The following ANKFN1 variants were observed in gnomAD, a reference collection of about 807,000 sequenced individuals.
ANKFN1 encodes the protein ankyrin repeat and fibronectin type-III domain-containing protein 1.
ANKFN1 carries 74 observed loss-of-function variants against 108.7 expected under a neutral mutation model. That is an observed-to-expected ratio of 0.68 (90% CI 0.56 to 0.83). The LOEUF is 0.83. Among genes scored for constraint, ANKFN1 ranks in the 40% least tolerant of loss-of-function variants. ANKFN1 has a pLI of 0.00. For missense variants in ANKFN1, 1,505 were observed against 1,382.3 expected, an observed-to-expected ratio of 1.09 and a Z score of -1.41; for synonymous variants, 547 against 516.2, an observed-to-expected ratio of 1.06 and a Z score of -0.81.
At chr17:56,293,970 G>A (rs2044439049) in intron 3 of ANKFN1, among the ~76,000 whole-genome samples, 1 of 152,146 alleles carries the variant, frequency 6.6e-6, no homozygotes, top group Non-Finnish European at 1.5e-5. Context: ...ATGGGGTTTA[G>A]CCACCTGGCA....
At chr17:56,221,027 G>C (rs2143866473) in intron 2 of ANKFN1, among the ~76,000 whole-genome samples, 1 of 152,306 alleles carries the variant, frequency 6.6e-6, no homozygotes, top group East Asian at 1.9e-4. Context: ...CATGATGTTG[G>C]CATCTGCTCA....
chr17:56,504,049 C>A (rs1396043876), intron 20 of ANKFN1, among the ~76,000 whole-genome samples: 3 of 152,256 alleles, frequency 2.0e-5, no homozygotes, highest in African/African-American at 4.8e-5. Context: ...TCCTTGGAAA[C>A]TCTCCTCAGT....
chr17:56,070,116 C>T (rs1049569899), intron 4 of ANKFN1, among the ~76,000 whole-genome samples: 4 of 152,134 alleles, frequency 2.6e-5, no homozygotes, highest in Admixed American at 6.5e-5. Flanking sequence ...GTGCCCACCT[C>T]CTATCTCATT....
At chr17:56,313,728 A>C (rs914509766) in intron 3 of ANKFN1, among the ~76,000 whole-genome samples, 9 of 152,218 alleles carry the variant, frequency 5.9e-5, no homozygotes, top group Non-Finnish European at 1.2e-4. Flanking sequence ...ATCTCATCTG[A>C]TCTTCCAATT....
At chr17:56,240,214 A>G (rs1245397725) in intron 3 of ANKFN1, among the ~76,000 whole-genome samples, 3 of 152,106 alleles carry the variant, frequency 2.0e-5, no homozygotes, top group Admixed American at 2.0e-4. Context: ...ACAATCCTGT[A>G]TGCTTATCCT....
At chr17:56,264,840 A>C (rs141286361) in intron 3 of ANKFN1, among the ~76,000 whole-genome samples, 1 of 152,206 alleles carries the variant, frequency 6.6e-6, no homozygotes, top group African/African-American at 2.4e-5. Flanking sequence ...CTTATTTGGG[A>C]CCCAGGAAAC....
chr17:56,132,145 G>A (rs758807787), intron 4 of ANKFN1, among the ~76,000 whole-genome samples: 2 of 152,158 alleles, frequency 1.3e-5, no homozygotes, highest in Non-Finnish European at 2.9e-5. Context: ...GATGTGCAGA[G>A]GCTGATCACT....
rs372264274 is a variant in ANKFN1, at chr17:56,058,361, C to T, written c.288+12036C>T. ...TTAGCTAGATCCTCTGGAAACATTT[C>T]TGCAGCTTCTACATCAGCACTTGCT... On this transcript the variant is annotated intron_variant, in intron 4 of 12. Coordinates refer to the ANKFN1 transcript ENST00000635860. Among the ~76,000 whole-genome samples, 9 of 152,384 alleles carry T rather than the reference C, an allele frequency of 5.9e-5. No homozygotes were observed. The South Asian group carries it at 8.3e-4, about 14-fold the overall frequency.
intron 3 of ANKFN1, among the ~76,000 whole-genome samples, chr17:56,289,844 A>G (rs1567889029): frequency 6.6e-6 from 1 of 152,250 alleles, no homozygotes; most frequent in Non-Finnish European, 1.5e-5. Context: ...TGTTTCTGCC[A>G]TAGTGCTGCC....
At chr17:56,196,348 A>G (rs1913505070) in intron 1 of ANKFN1, among the ~76,000 whole-genome samples, 2 of 152,192 alleles carry the variant, frequency 1.3e-5, no homozygotes, top group Admixed American at 1.3e-4. Flanking sequence ...TCCTCCAGGT[A>G]CTCAGTCAAG....
rs78669521 is a variant in ANKFN1 at position 56,516,719 on chromosome 17, T to A, written c.*5450T>A. 1.3e-4 allele frequency among the ~76,000 whole-genome samples: 20 copies of A among 152,306 alleles called. No homozygotes were observed. In the East Asian group the frequency reaches 2.9e-3, roughly 22 times the overall value. ...ATAAGAGGTCAGGGATAAATGAGAA[T>A]TAAGTTAATTTTTCTAATGGCAAGT... On this transcript the variant is annotated 3_prime_UTR_variant, in exon 21 of 21. Transcript: ENST00000682825.
At chr17:56,267,679 A>G (rs2043687741) in intron 3 of ANKFN1, among the ~76,000 whole-genome samples, 3 of 152,158 alleles carry the variant, frequency 2.0e-5, no homozygotes, top group South Asian at 2.1e-4. Flanking sequence ...GTTATTGTCA[A>G]CTTTGTGAAA....
chr17:56,331,481 C>T (rs934963769), intron 4 of ANKFN1, among the ~76,000 whole-genome samples: 7 of 152,294 alleles, frequency 4.6e-5, no homozygotes, highest in East Asian at 1.9e-4. Context: ...CCAAGCTCCA[C>T]TGAAACATGA....
At chr17:56,394,732 C>T (rs2047530176) in intron 8 of ANKFN1, among the ~76,000 whole-genome samples, 1 of 152,208 alleles carries the variant, frequency 6.6e-6, no homozygotes, top group South Asian at 2.1e-4. Flanking sequence ...AGAGCTGTGT[C>T]TGTGACTACC....
chr17:56,368,947 G>A (rs1472207302), intron 6 of ANKFN1, among the ~76,000 whole-genome samples: 1 of 152,168 alleles, frequency 6.6e-6, no homozygotes, highest in Non-Finnish European at 1.5e-5. Context: ...TGCACTTGTG[G>A]CAACAGATAA....
At chr17:56,489,667 G>C (rs1249513725) in intron 18 of ANKFN1, among the ~76,000 whole-genome samples, 1 of 151,970 alleles carries the variant, frequency 6.6e-6, no homozygotes, top group African/African-American at 2.4e-5. Context: ...TTTTAAAGAA[G>C]TTATTCAGTG....
chr17:56,272,432 T>G (rs1009040036), intron 3 of ANKFN1, among the ~76,000 whole-genome samples: 1 of 152,216 alleles, frequency 6.6e-6, no homozygotes, highest in East Asian at 1.9e-4. Flanking sequence ...ACTGGCTTAT[T>G]TCACTTAGGA....
intron 3 of ANKFN1, among the ~76,000 whole-genome samples, chr17:56,275,919 T>A (rs911469487): frequency 6.6e-6 from 1 of 152,184 alleles, no homozygotes; most frequent in Non-Finnish European, 1.5e-5. Flanking sequence ...CATACAGGTT[T>A]GTTACATAGG....
chr17:56,195,999 T>A (rs534345779), intron 1 of ANKFN1, among the ~76,000 whole-genome samples: 1 of 152,234 alleles, frequency 6.6e-6, no homozygotes, highest in Non-Finnish European at 1.5e-5. Context: ...GCATTCAAAA[T>A]GTGAAGTTAT....
Sources: allele counts gnomAD v4.1 joint callset (sites outside exome capture counted in the v4.1 genomes callset), GRCh38; gene constraint gnomAD v4.1.1; transcripts MANE v1.5; gene names NCBI Gene and HGNC (gene_info 2026-07-23, HGNC 2026-07-21).